Variants in GPR158 observed in about 807,000 individuals in gnomAD.
GPR158 encodes the protein G protein-coupled receptor 158.
A neutral mutation model predicts 78.2 loss-of-function variants in GPR158; 30 were observed. That is an observed-to-expected ratio of 0.38 (90% CI 0.29 to 0.52). The LOEUF is 0.52. Ranked by LOEUF, GPR158 falls within the 20% of genes least tolerant of loss-of-function variation. The pLI is 0.83. For missense variants in GPR158, 1,463 were observed against 1,523.5 expected, an observed-to-expected ratio of 0.96 and a Z score of 0.66; for synonymous variants, 581 against 591.1, an observed-to-expected ratio of 0.98 and a Z score of 0.25.
intron 1 of GPR158, among the ~76,000 whole-genome samples, chr10:25,179,323 CA>C (rs1852584168): frequency 6.6e-6 from 1 of 151,886 alleles, no homozygotes; most frequent in Non-Finnish European, 1.5e-5. Flanking sequence ...GTGTTATTTG[CA>C]AAAAGTTTTA....
intron 2 of GPR158, among the ~76,000 whole-genome samples, chr10:25,390,620 A>G (rs548326876): frequency 1.3e-5 from 2 of 152,364 alleles, no homozygotes; most frequent in Admixed American, 1.3e-4. Context: ...TTTTAAAAGC[A>G]TTTAGTTTTA....
chr10:25,192,812 CA>C (rs148056139), intron 1 of GPR158, among the ~76,000 whole-genome samples: 10,517 of 146,334 alleles, frequency 0.072, 677 homozygotes, highest in African/African-American at 0.17. Context: ...TCGAATTCAT[CA>C]AAAAAAAAAG....
At chr10:25,521,482 C>T (rs1475881989) in intron 5 of GPR158, among the ~76,000 whole-genome samples, 2 of 152,178 alleles carry the variant, frequency 1.3e-5, no homozygotes, top group East Asian at 3.9e-4. Flanking sequence ...TTGTCTGGTG[C>T]CTCCTTGATT....
At chr10:25,461,061 A>G (rs569101321) in intron 4 of GPR158, among the ~76,000 whole-genome samples, 1 of 152,272 alleles carries the variant, frequency 6.6e-6, no homozygotes, top group Admixed American at 6.5e-5. Context: ...CAATTCCTCC[A>G]TCTTTCTCCC....
At chr10:25,499,865 G>A (rs1311937066) in intron 5 of GPR158, among the ~76,000 whole-genome samples, 1 of 152,164 alleles carries the variant, frequency 6.6e-6, no homozygotes, top group Non-Finnish European at 1.5e-5. Flanking sequence ...GTCACTGTGG[G>A]AAGGGAGAAG....
rs140224104 is a variant in GPR158 at position 25,407,916 on chromosome 10, A to T, written c.1112-4334A>T. 4.4e-3 allele frequency among the ~76,000 whole-genome samples: 668 copies of T among 152,228 alleles called. 3 individuals are homozygous for T. The highest frequency in any genetic ancestry group is 7.6e-3 in the Non-Finnish European group (517 of 67,982). On this transcript the variant is annotated intron_variant, in intron 3 of 10. Coordinates refer to ENST00000376351, the MANE Select transcript of GPR158 (RefSeq NM_020752.3). ...GCATATCATGTTACTCCTCTACCCA[A>T]AACCCTAACCCTAACCCTAATCCTG...
intron 5 of GPR158, among the ~76,000 whole-genome samples, chr10:25,503,629 T>C (rs1175512247): frequency 6.6e-6 from 1 of 152,154 alleles, no homozygotes; most frequent in African/African-American, 2.4e-5. Flanking sequence ...CTGGAATGTA[T>C]TAAACTCTGC....
At chr10:25,563,849 TTATCTAA>T (rs1312078296) in intron 6 of GPR158, among the ~76,000 whole-genome samples, 1 of 152,192 alleles carries the variant, frequency 6.6e-6, no homozygotes, top group Non-Finnish European at 1.5e-5. Flanking sequence ...TTAATAAACT[TTATCTAA>T]TAAGGTTAAT....
chr10:25,452,165 G>A (rs1835228504), intron 4 of GPR158, among the ~76,000 whole-genome samples: 1 of 151,794 alleles, frequency 6.6e-6, no homozygotes, highest in South Asian at 2.1e-4. Flanking sequence ...AGCCTTCCTG[G>A]TAGCTGGGAC....
chr10:25,427,593 A>G (rs1834841893), intron 4 of GPR158, among the ~76,000 whole-genome samples: 1 of 152,076 alleles, frequency 6.6e-6, no homozygotes. Flanking sequence ...TGTATAATTT[A>G]CATAATTTCA....
intron 1 of GPR158, among the ~76,000 whole-genome samples, chr10:25,214,658 T>C (rs1191800046): frequency 6.6e-6 from 1 of 152,096 alleles, no homozygotes; most frequent in Non-Finnish European, 1.5e-5. Context: ...AATGTGATTG[T>C]ATTTGGTGAT....
intron 5 of GPR158, among the ~76,000 whole-genome samples, chr10:25,473,326 G>C (rs1564465158): frequency 6.6e-6 from 1 of 152,110 alleles, no homozygotes; most frequent in Non-Finnish European, 1.5e-5. Flanking sequence ...TGGTGGATAA[G>C]CTTTTTGATG....
chr10:25,275,992 G>C (rs1854178440), intron 2 of GPR158, among the ~76,000 whole-genome samples: 1 of 152,116 alleles, frequency 6.6e-6, no homozygotes, highest in South Asian at 2.1e-4. Context: ...TCTTTGACTT[G>C]TTATTCTTAA....
At chr10:25,487,850 T>A (rs1835755243) in intron 5 of GPR158, among the ~76,000 whole-genome samples, 1 of 152,074 alleles carries the variant, frequency 6.6e-6, no homozygotes, top group African/African-American at 2.4e-5. Flanking sequence ...GCGTTTAGAT[T>A]AAGGAAGCTG....
At chr10:25,357,833 G>A (rs1286340679) in intron 2 of GPR158, among the ~76,000 whole-genome samples, 1 of 152,060 alleles carries the variant, frequency 6.6e-6, no homozygotes, top group African/African-American at 2.4e-5. Flanking sequence ...TGAGAAGAGG[G>A]CCACCATAGT....
intron 5 of GPR158, among the ~76,000 whole-genome samples, chr10:25,500,105 T>C (rs1564472262): frequency 1.3e-5 from 2 of 152,096 alleles, no homozygotes; most frequent in African/African-American, 4.8e-5. Flanking sequence ...CACTTACATA[T>C]GAACTTTTCA....
At chr10:25,352,217 C>A (rs1450960078) in intron 2 of GPR158, among the ~76,000 whole-genome samples, 2 of 151,988 alleles carry the variant, frequency 1.3e-5, no homozygotes, top group Non-Finnish European at 2.9e-5. Context: ...GTGAATATCA[C>A]TCTAGTGAAA....
chr10:25,205,175 T>C (rs1484050502), intron 1 of GPR158, among the ~76,000 whole-genome samples: 1 of 152,140 alleles, frequency 6.6e-6, no homozygotes, highest in East Asian at 1.9e-4. Context: ...TCTTTTTCTT[T>C]ATAAATTACC....
At chr10:25,522,226 T>G (rs1316155370) in intron 5 of GPR158, among the ~76,000 whole-genome samples, 1 of 152,192 alleles carries the variant, frequency 6.6e-6, no homozygotes, top group Admixed American at 6.5e-5. Flanking sequence ...TTCTTGGCAG[T>G]TTTAGAGAAA....
Sources: allele counts gnomAD v4.1 joint callset (sites outside exome capture counted in the v4.1 genomes callset), GRCh38; gene constraint gnomAD v4.1.1; transcripts MANE v1.5; gene names NCBI Gene and HGNC (gene_info 2026-07-23, HGNC 2026-07-21).